Variants in ARMH3 observed in about 807,000 individuals in gnomAD.
ARMH3 encodes the protein armadillo-like helical domain-containing protein 3.
ARMH3 carries 60 observed loss-of-function variants against 99.1 expected under a neutral mutation model. The ratio of observed to expected loss-of-function variants is 0.61; its 90% CI spans 0.49 to 0.75. ARMH3 has a LOEUF of 0.75. Among genes scored for constraint, ARMH3 ranks in the 30% least tolerant of loss-of-function variants. The probability of loss-of-function intolerance (pLI) is 0.00; values close to 1 mark genes in which losing one functional copy is unlikely to be tolerated. For missense variants in ARMH3, 679 were observed against 843.1 expected, an observed-to-expected ratio of 0.81 and a Z score of 2.41; for synonymous variants, 285 against 292.8, an observed-to-expected ratio of 0.97 and a Z score of 0.27.
intron 19 of ARMH3, among the ~76,000 whole-genome samples, chr10:101,978,885 A>G (rs1846119791): frequency 6.6e-6 from 1 of 152,120 alleles, no homozygotes; most frequent in Non-Finnish European, 1.5e-5. Flanking sequence ...AGTTGCAGTG[A>G]GCCAAGATGG....
At chr10:101,965,767 C>T (rs1490628851) in intron 20 of ARMH3, among the ~76,000 whole-genome samples, 4 of 152,070 alleles carry the variant, frequency 2.6e-5, no homozygotes, top group Admixed American at 1.3e-4. Flanking sequence ...CATACCAGGC[C>T]CCTTGAAAAC....
At chr10:101,961,328 A>G (rs1387363053) in intron 20 of ARMH3, among the ~76,000 whole-genome samples, 3 of 151,518 alleles carry the variant, frequency 2.0e-5, no homozygotes, top group East Asian at 1.9e-4. Flanking sequence ...TTTTAAGCAC[A>G]TAACTATCAA....
At chr10:102,035,819 C>T (rs1396913275) in intron 2 of ARMH3, among the ~76,000 whole-genome samples, 1 of 152,244 alleles carries the variant, frequency 6.6e-6, no homozygotes, top group African/African-American at 2.4e-5. Context: ...CTCTGCCCGG[C>T]CGCCACCCCG....
chr10:101,957,527 A>T (rs1029832414), intron 21 of ARMH3, 123 bp downstream of exon 21: 41 of 1,097,942 alleles, frequency 3.7e-5, no homozygotes, highest in Non-Finnish European at 4.5e-5. Flanking sequence ...GGATCCAAAA[A>T]ATATATATAG....
intron 25 of ARMH3, 149 bp downstream of exon 25, chr10:101,849,627 C>T (rs952987092): frequency 1.6e-5 from 11 of 672,798 alleles, no homozygotes; most frequent in Non-Finnish European, 2.9e-5. Flanking sequence ...CTCTTACTGC[C>T]TGGTACAATG....
intron 1 of ARMH3, among the ~76,000 whole-genome samples, chr10:102,047,503 G>C (rs1222576458): frequency 2.0e-5 from 2 of 101,196 alleles, no homozygotes; most frequent in African/African-American, 8.0e-5. Flanking sequence ...TTTTTTTTTT[G>C]AGAGACAACC....
chr10:101,850,319 G>A (rs1365460009), intron 24 of ARMH3, among the ~76,000 whole-genome samples: 5 of 149,804 alleles, frequency 3.3e-5, no homozygotes, highest in East Asian at 2.0e-4. Context: ...GGCTGGTCTC[G>A]AACTCCTGAC....
intron 19 of ARMH3, among the ~76,000 whole-genome samples, chr10:101,976,991 CTTTT>C (rs919024449): frequency 6.6e-6 from 1 of 151,766 alleles, no homozygotes. Context: ...CCTTTCTTTT[CTTTT>C]TTTTGCTGCA....
chr10:101,936,192 T>A lies in ARMH3; in HGVS notation c.1781+3671A>T, dbSNP rs144823920. 1.5e-3 allele frequency among the ~76,000 whole-genome samples: 222 copies of A among 151,942 alleles called. 1 individual carries two copies. The highest frequency in any genetic ancestry group is 5.0e-3 in the African/African-American group (209 of 41,474). On this transcript the variant is annotated intron_variant, in intron 23 of 25. Coordinates refer to ENST00000370033, the MANE Select transcript of ARMH3 (RefSeq NM_024541.3). The stretch of plus-strand genomic sequence containing the variant: ...TTCAAGGTTAAGGTAATATCTTAAC[T>A]TTTATAGAAAAGAAAAATTGGCCGG...
chr10:101,957,406 A>G (rs1312079903), intron 21 of ARMH3, among the ~76,000 whole-genome samples: 1 of 152,170 alleles, frequency 6.6e-6, no homozygotes, highest in Non-Finnish European at 1.5e-5. Context: ...TCATACACAG[A>G]GATCTAACCT....
chr10:101,886,622 T>C (rs2067552722), intron 24 of ARMH3, among the ~76,000 whole-genome samples: 2 of 152,240 alleles, frequency 1.3e-5, no homozygotes, highest in Non-Finnish European at 2.9e-5. Flanking sequence ...AAATGTCATT[T>C]ACCTTCTGGA....
At chr10:102,041,090 A>AATATATATATATATAT (rs59124276) in intron 1 of ARMH3, among the ~76,000 whole-genome samples, 5 of 132,634 alleles carry the variant, frequency 3.8e-5, no homozygotes, top group Non-Finnish European at 8.1e-5. Flanking sequence ...ATATATATAT[A>AATATATATATATATAT]ATATATATAT....
At chr10:102,044,644 G>T (rs925592724) in intron 1 of ARMH3, among the ~76,000 whole-genome samples, 3 of 152,054 alleles carry the variant, frequency 2.0e-5, no homozygotes, top group Non-Finnish European at 4.4e-5. Flanking sequence ...AATTGCAGGC[G>T]TGAGCCACTG....
intron 19 of ARMH3, among the ~76,000 whole-genome samples, chr10:101,984,367 G>T (rs1435085136): frequency 3.9e-5 from 6 of 152,140 alleles, no homozygotes; most frequent in Non-Finnish European, 8.8e-5. Context: ...AAACTCATCT[G>T]TCAATTTTCC....
At chr10:101,858,518 A>T (rs1276266454) in intron 24 of ARMH3, among the ~76,000 whole-genome samples, 1 of 152,200 alleles carries the variant, frequency 6.6e-6, no homozygotes, top group Non-Finnish European at 1.5e-5. Context: ...GACCCTATGA[A>T]TAACTATTTT....
intron 23 of ARMH3, among the ~76,000 whole-genome samples, chr10:101,925,360 TTTAGGAGATAAATTAAGAAG>T (rs1417340860): frequency 8.5e-5 from 13 of 152,278 alleles, no homozygotes; most frequent in African/African-American, 3.1e-4. Context: ...AACACCATAT[TTTAGGAGATAAATTAAGAAG>T]TAAGAATATG....
At chr10:101,921,424 T>C (rs1360015783) in intron 23 of ARMH3, among the ~76,000 whole-genome samples, 1 of 152,182 alleles carries the variant, frequency 6.6e-6, no homozygotes, top group African/African-American at 2.4e-5. Flanking sequence ...CTGATCTGGA[T>C]GGTGATTTAC....
chr10:101,995,496 C>G (rs1847015544), intron 15 of ARMH3, 141 bp from the exon 16 acceptor site: 1 of 690,030 alleles, frequency 1.4e-6, no homozygotes, highest in Non-Finnish European at 2.4e-6. Flanking sequence ...AATCAAGGTA[C>G]TACTATAGTA....
intron 23 of ARMH3, among the ~76,000 whole-genome samples, chr10:101,932,583 TAAA>T (rs964796484): frequency 5.3e-5 from 8 of 152,202 alleles, no homozygotes; most frequent in African/African-American, 1.9e-4. Context: ...TATTCACCCT[TAAA>T]AAGGAAATTC....
Sources: gnomAD v4.1 joint callset for allele counts (sites outside exome capture counted in the v4.1 genomes callset) on GRCh38, gnomAD v4.1.1 for gene constraint, MANE v1.5 for transcripts, NCBI Gene and HGNC (gene_info 2026-07-23, HGNC 2026-07-21) for gene names.